Variants in ATG7 observed in about 807,000 individuals in gnomAD.
The protein encoded by ATG7 is ubiquitin-like modifier-activating enzyme ATG7.
A neutral mutation model predicts 82.4 loss-of-function variants in ATG7; 70 were observed. That is an observed-to-expected ratio of 0.85 (90% confidence interval 0.70 to 1.04). ATG7 has a LOEUF of 1.04. ATG7 is among the 50% of genes least tolerant of loss of function. The pLI is 0.00. For synonymous variants in ATG7, 287 were observed against 313.0 expected (o/e 0.92, Z 0.88); for missense variants, 792 against 864.3 (o/e 0.92, Z 1.05).
intron 14 of ATG7, among the ~76,000 whole-genome samples, chr3:11,349,305 AAGGCAGG>A (rs1955098930): frequency 1.3e-5 from 2 of 152,172 alleles, no homozygotes; most frequent in Non-Finnish European, 2.9e-5. Flanking sequence ...TTGGGAGGCT[AAGGCAGG>A]AGGCTTACTT....
At chr3:11,475,868 G>GACACACACACAC (rs3219674) in intron 20 of ATG7, among the ~76,000 whole-genome samples, 3,310 of 111,126 alleles carry the variant, frequency 0.03, 63 homozygotes, top group East Asian at 0.065. Context: ...CTGTCTCTGA[G>GACACACACACAC]ACACACACAC....
At chr3:11,481,253 C>T (rs1157656304) in intron 20 of ATG7, among the ~76,000 whole-genome samples, 3 of 152,132 alleles carry the variant, frequency 2.0e-5, no homozygotes, top group Non-Finnish European at 4.4e-5. Flanking sequence ...GTGACGGTTG[C>T]ACAACAGTGT....
chr3:11,411,517 G>C (rs2080890067), intron 19 of ATG7, among the ~76,000 whole-genome samples: 3 of 149,880 alleles, frequency 2.0e-5, no homozygotes. Flanking sequence ...CTACTCAGGA[G>C]CCTGAGGCAG....
chr3:11,387,508 T>C (rs1331370894), intron 19 of ATG7, among the ~76,000 whole-genome samples: 1 of 152,222 alleles, frequency 6.6e-6, no homozygotes, highest in East Asian at 1.9e-4. Flanking sequence ...GATGGTTCCA[T>C]TGGCAGCCTG....
chr3:11,345,284 C>A (rs1409872434), intron 13 of ATG7, among the ~76,000 whole-genome samples: 1 of 152,188 alleles, frequency 6.6e-6, no homozygotes, highest in East Asian at 1.9e-4. Flanking sequence ...TGGCAGGCGC[C>A]TGTGGTCCCA....
chr3:11,561,616 C>A (rs138256022), downstream of ATG7, among the ~76,000 whole-genome samples: 1 of 152,172 alleles, frequency 6.6e-6, no homozygotes. Context: ...CCACCTAGAA[C>A]GGGCCCCAGG....
At chr3:11,316,628 G>A (rs1436541477) in intron 9 of ATG7, among the ~76,000 whole-genome samples, 1 of 152,186 alleles carries the variant, frequency 6.6e-6, no homozygotes, top group Non-Finnish European at 1.5e-5. Flanking sequence ...AGCTCCAAGA[G>A]GGCAGGGCCC....
At chr3:11,569,669 G>A in the ATG7 span, among the ~76,000 whole-genome samples, 1 of 152,330 alleles carries the variant, frequency 6.6e-6, no homozygotes, top group South Asian at 2.1e-4. Context: ...AGGAGAATCC[G>A]ACATCTGAGA....
At chr3:11,512,816 C>G (rs535917157) in intron 20 of ATG7, among the ~76,000 whole-genome samples, 114 of 152,332 alleles carry the variant, frequency 7.5e-4, no homozygotes, top group Non-Finnish European at 1.3e-3. Flanking sequence ...TGCTTTTATT[C>G]TCTTACCTGG....
intron 19 of ATG7, among the ~76,000 whole-genome samples, chr3:11,422,691 A>T (rs1159769745): frequency 7.2e-6 from 1 of 138,734 alleles, no homozygotes; most frequent in African/African-American, 2.8e-5. Context: ...TTTTTTTAGC[A>T]TGTCTCAGCT....
intron 20 of ATG7, among the ~76,000 whole-genome samples, chr3:11,538,642 A>G (rs1308973507): frequency 7.6e-6 from 1 of 131,374 alleles, no homozygotes; most frequent in African/African-American, 2.8e-5. Flanking sequence ...CAGGAGTTCG[A>G]GACCACCCTG....
At chr3:11,550,039 A>G (rs933602523) in intron 20 of ATG7, among the ~76,000 whole-genome samples, 2 of 152,154 alleles carry the variant, frequency 1.3e-5, no homozygotes, top group Admixed American at 6.5e-5. Context: ...TTCTCTTCCA[A>G]TCTTTTCCCC....
At chr3:11,278,699 G>A (rs1039864526) in intron 1 of ATG7, among the ~76,000 whole-genome samples, 3 of 152,236 alleles carry the variant, frequency 2.0e-5, no homozygotes, top group Non-Finnish European at 4.4e-5. Flanking sequence ...GGGCACCTAT[G>A]AGGTGCTAAG....
At chr3:11,534,821 C>G (rs114819702) in intron 20 of ATG7, among the ~76,000 whole-genome samples, 1,901 of 152,356 alleles carry the variant, frequency 0.012, 42 homozygotes, top group African/African-American at 0.043. Flanking sequence ...AGCACCCCTT[C>G]TACCCTAGGG....
At chr3:11,557,833 TAG>T (rs750304307), downstream of ATG7, 4 of 152,574 alleles carry the variant, frequency 2.6e-5, no homozygotes, top group Admixed American at 1.3e-4. Flanking sequence ...CCGTGATTGG[TAG>T]AGTCTGCAGT....
chr3:11,301,250 G>C (rs1050684179), intron 5 of ATG7, among the ~76,000 whole-genome samples: 1 of 152,104 alleles, frequency 6.6e-6, no homozygotes, highest in Non-Finnish European at 1.5e-5. Context: ...TGAGAAAGAG[G>C]GTGGAGCTGA....
chr3:11,299,009 G>C (rs927632904), intron 4 of ATG7, 154 bp downstream of exon 4: 2 of 831,864 alleles, frequency 2.4e-6, no homozygotes, highest in African/African-American at 3.5e-5. Flanking sequence ...TTTGATCCCA[G>C]TTCATTTTCA....
chr3:11,357,081 C>G (rs910427959), intron 14 of ATG7, among the ~76,000 whole-genome samples: 2 of 152,140 alleles, frequency 1.3e-5, no homozygotes, highest in Non-Finnish European at 1.5e-5. Context: ...GTAAAAAGAT[C>G]TGCTTGCTGT....
At chr3:11,467,185 A>G (rs1381910028) in intron 20 of ATG7, among the ~76,000 whole-genome samples, 1 of 152,106 alleles carries the variant, frequency 6.6e-6, no homozygotes, top group Non-Finnish European at 1.5e-5. Flanking sequence ...ACTTCTGCAG[A>G]TTCTTTGGTT....
Sources: allele counts gnomAD v4.1 joint callset (sites outside exome capture counted in the v4.1 genomes callset), GRCh38; gene constraint gnomAD v4.1.1; transcripts MANE v1.5; gene names NCBI Gene and HGNC (gene_info 2026-07-23, HGNC 2026-07-21).